The following SLC14A2 variants were observed in gnomAD, a reference collection of about 807,000 sequenced individuals.
SLC14A2 encodes the protein solute carrier family 14 member 2.
Under a neutral mutation model 104.6 loss-of-function variants are expected in SLC14A2, and 91 were observed. The ratio of observed to expected loss-of-function variants is 0.87; its 90% CI spans 0.73 to 1.04. The LOEUF (loss-of-function observed/expected upper bound fraction) is 1.04, where lower values mean the gene tolerates loss of function less well. SLC14A2 is among the 50% of genes least tolerant of loss of function. The probability of loss-of-function intolerance (pLI) is 0.00; values close to 1 mark genes in which losing one functional copy is unlikely to be tolerated. For missense variants in SLC14A2, 1,189 were observed against 1,156.0 expected, an observed-to-expected ratio of 1.03 and a Z score of -0.41; for synonymous variants, 476 against 466.4, an observed-to-expected ratio of 1.02 and a Z score of -0.27.
At position 45,317,911 on chromosome 18, in the gene SLC14A2, G is replaced by C. The variant is rs1022936663; in HGVS notation, c.-125+104720G>C. Reference sequence around the variant, plus strand: ...GTGGGGGCTTCTGAGCCACATGGATGATGAGGCTCATGCTTCATGAGCCCC... The same window carrying C: ...GTGGGGGCTTCTGAGCCACATGGATCATGAGGCTCATGCTTCATGAGCCCC... On this transcript the variant is annotated intron_variant, in intron 1 of 20. Coordinates refer to the SLC14A2 transcript ENST00000586448. 3.9e-5 allele frequency among the ~76,000 whole-genome samples: 6 copies of C among 152,272 alleles called. No homozygotes were observed. The South Asian group carries it at 6.2e-4, about 16-fold the overall frequency.
chr18:45,455,750 C>A (rs186036326), intron 1 of SLC14A2, among the ~76,000 whole-genome samples: 12 of 151,994 alleles, frequency 7.9e-5, no homozygotes, highest in Non-Finnish European at 1.5e-4. Flanking sequence ...TGTCTGTGGT[C>A]TCATGGAACT....
At chr18:45,537,955 T>G (rs1394857220) in intron 2 of SLC14A2, among the ~76,000 whole-genome samples, 7 of 152,180 alleles carry the variant, frequency 4.6e-5, no homozygotes, top group Non-Finnish European at 1.0e-4. Flanking sequence ...ATAGATGGTG[T>G]TTGTAGGAGT....
At chr18:45,573,335 T>C (rs987702584) in intron 2 of SLC14A2, among the ~76,000 whole-genome samples, 1 of 152,134 alleles carries the variant, frequency 6.6e-6, no homozygotes, top group Admixed American at 6.5e-5. Context: ...AGAAGAGAGA[T>C]AGAAACAGGG....
chr18:45,632,549 G>A (rs2045362534), intron 5 of SLC14A2, 71 bp downstream of exon 5: 1 of 1,547,196 alleles, frequency 6.5e-7, no homozygotes, highest in East Asian at 2.3e-5. Flanking sequence ...ATACTGGCCA[G>A]AGACAGGACA....
intron 1 of SLC14A2, among the ~76,000 whole-genome samples, chr18:45,349,812 C>T (rs912167387): frequency 2.2e-4 from 34 of 152,190 alleles, no homozygotes; most frequent in African/African-American, 8.0e-4. Context: ...CTAGGCATAA[C>T]TTAGCTAAAT....
chr18:45,495,406 C>T (rs1401824006), intron 2 of SLC14A2, among the ~76,000 whole-genome samples: 2 of 152,162 alleles, frequency 1.3e-5, no homozygotes, highest in African/African-American at 2.4e-5. Context: ...TTAAATTAAA[C>T]TCTAGGGCAT....
the SLC14A2 span, among the ~76,000 whole-genome samples, chr18:45,190,170 G>A: frequency 3.3e-5 from 5 of 152,148 alleles, no homozygotes; most frequent in Non-Finnish European, 5.9e-5. Flanking sequence ...AATTACTTGG[G>A]AACCGTTTGT....
At chr18:45,282,210 T>C (rs2084769433) in intron 1 of SLC14A2, among the ~76,000 whole-genome samples, 1 of 152,148 alleles carries the variant, frequency 6.6e-6, no homozygotes. Flanking sequence ...GAGAAGTCCA[T>C]CAGGCCCTTC....
chr18:45,420,208 G>A (rs8090194), intron 1 of SLC14A2, among the ~76,000 whole-genome samples: 24,467 of 152,062 alleles, frequency 0.16, 2,862 homozygotes, highest in African/African-American at 0.3. Flanking sequence ...TTCCCCACCC[G>A]AATCTCTCCA....
chr18:45,185,104 T>C, the SLC14A2 span, among the ~76,000 whole-genome samples: 1 of 152,210 alleles, frequency 6.6e-6, no homozygotes, highest in Non-Finnish European at 1.5e-5. Context: ...GCCTCTGCTT[T>C]GAACCAGGCA....
At chr18:45,206,491 C>T in the SLC14A2 span, among the ~76,000 whole-genome samples, 4 of 152,088 alleles carry the variant, frequency 2.6e-5, no homozygotes, top group African/African-American at 9.7e-5. Context: ...AGGTATTCAG[C>T]GAGGTTAGCC....
At chr18:45,186,834 G>T in the SLC14A2 span, among the ~76,000 whole-genome samples, 2 of 152,172 alleles carry the variant, frequency 1.3e-5, no homozygotes, top group South Asian at 4.1e-4. Context: ...ATCTTAGGGA[G>T]AGCCCCCAAA....
intron 1 of SLC14A2, among the ~76,000 whole-genome samples, chr18:45,450,284 G>C (rs553980206): frequency 1.3e-5 from 2 of 152,158 alleles, no homozygotes; most frequent in African/African-American, 2.4e-5. Context: ...ACATGGCCCT[G>C]TTAGGAAACA....
chr18:45,626,829 CCTGG>C, intron 3 of SLC14A2, 125 bp from the exon 4 acceptor site: 1 of 583,980 alleles, frequency 1.7e-6, no homozygotes, highest in Non-Finnish European at 2.9e-6. Flanking sequence ...CACCCCGACC[CCTGG>C]CCTGGCTGAA....
intron 1 of SLC14A2, among the ~76,000 whole-genome samples, chr18:45,279,009 A>C (rs138267641): frequency 7.2e-5 from 11 of 152,342 alleles, no homozygotes; most frequent in Non-Finnish European, 1.2e-4. Context: ...AGAGATAATA[A>C]GTAACTTGAC....
intron 1 of SLC14A2, among the ~76,000 whole-genome samples, chr18:45,319,274 A>C (rs576078557): frequency 2.2e-4 from 33 of 152,260 alleles, no homozygotes; most frequent in African/African-American, 7.5e-4. Flanking sequence ...GATAGCACTT[A>C]CCACCTTGTT....
chr18:45,567,057 T>TGG (rs2044276612), intron 2 of SLC14A2, among the ~76,000 whole-genome samples: 10 of 48,520 alleles, frequency 2.1e-4, no homozygotes, highest in Non-Finnish European at 4.9e-4. Flanking sequence ...GTGCACATAG[T>TGG]GTGTGTGTGT....
At chr18:45,228,417 G>A (rs554455536) in intron 1 of SLC14A2, among the ~76,000 whole-genome samples, 1 of 152,216 alleles carries the variant, frequency 6.6e-6, no homozygotes, top group South Asian at 2.1e-4. Context: ...CTTCTCCCCA[G>A]GTGAGCCCAC....
At chr18:45,280,802 C>G (rs1282188167) in intron 1 of SLC14A2, among the ~76,000 whole-genome samples, 2 of 152,184 alleles carry the variant, frequency 1.3e-5, no homozygotes, top group African/African-American at 4.8e-5. Context: ...GCCTTTTCCT[C>G]TTGAATCATC....
Sources: allele counts gnomAD v4.1 joint callset (sites outside exome capture counted in the v4.1 genomes callset), GRCh38; gene constraint gnomAD v4.1.1; transcripts MANE v1.5; gene names NCBI Gene and HGNC (gene_info 2026-07-23, HGNC 2026-07-21).